KIAA0825: variants seen among roughly 807,000 people sequenced by gnomAD.
KIAA0825 encodes KIAA0825.
Under a neutral mutation model 147.6 loss-of-function variants are expected in KIAA0825, and 119 were observed. The observed-to-expected ratio is 0.81, with a 90% confidence interval of 0.69 to 0.94. The LOEUF (loss-of-function observed/expected upper bound fraction) is 0.94. Ranked by LOEUF, KIAA0825 falls within the 40% of genes least tolerant of loss-of-function variation. KIAA0825 has a pLI of 0.00. For synonymous variants in KIAA0825, 470 were observed against 518.1 expected, an observed-to-expected ratio of 0.91 and a Z score of 1.26; for missense variants, 1,381 against 1,472.7, an observed-to-expected ratio of 0.94 and a Z score of 1.02.
intron 20 of KIAA0825, among the ~76,000 whole-genome samples, chr5:94,283,285 A>G (rs1298255858): frequency 6.6e-6 from 1 of 152,098 alleles, no homozygotes; most frequent in African/African-American, 2.4e-5. Context: ...CTTTTAACAG[A>G]AGAAGAAATT....
At chr5:94,598,664 A>C (rs946784574) in intron 1 of KIAA0825, among the ~76,000 whole-genome samples, 2 of 152,150 alleles carry the variant, frequency 1.3e-5, no homozygotes, top group East Asian at 3.8e-4. Context: ...ATTTTTATAA[A>C]ACTGGTAGGT....
chr5:94,471,432 G>T (rs1761205327), intron 9 of KIAA0825, 34 bp downstream of exon 9: 4 of 1,541,252 alleles, frequency 2.6e-6, no homozygotes, highest in Non-Finnish European at 3.5e-6. Context: ...GTTTCTTTAA[G>T]CGTGGCCATC....
At chr5:94,173,464 G>A (rs1029308224) in intron 20 of KIAA0825, among the ~76,000 whole-genome samples, 14 of 150,674 alleles carry the variant, frequency 9.3e-5, no homozygotes, top group Non-Finnish European at 1.9e-4. Context: ...TGGTCACCAG[G>A]AGAATCTACA....
intron 2 of KIAA0825, among the ~76,000 whole-genome samples, chr5:94,572,187 A>G (rs1780106299): frequency 6.6e-6 from 1 of 152,114 alleles, no homozygotes; most frequent in African/African-American, 2.4e-5. Context: ...GAAATGTACA[A>G]TCAACTGACC....
chr5:94,209,909 T>C (rs1486770504), intron 20 of KIAA0825, among the ~76,000 whole-genome samples: 2 of 152,208 alleles, frequency 1.3e-5, no homozygotes, highest in African/African-American at 4.8e-5. Context: ...GGTGGCTACA[T>C]TTGGACTAAA....
chr5:94,551,954 A>G (rs2218903), intron 2 of KIAA0825, among the ~76,000 whole-genome samples: 32,420 of 151,942 alleles, frequency 0.21, 3,891 homozygotes, highest in East Asian at 0.39. Context: ...ATGAAAATGG[A>G]TTCAATTCCT....
chr5:94,160,112 G>C (rs1410947639), intron 20 of KIAA0825, among the ~76,000 whole-genome samples: 1 of 152,128 alleles, frequency 6.6e-6, no homozygotes, highest in Non-Finnish European at 1.5e-5. Flanking sequence ...AGAGGGGAAA[G>C]TAATGTCTCT....
At chr5:94,350,667 A>C (rs1485045668) in intron 20 of KIAA0825, among the ~76,000 whole-genome samples, 1 of 152,214 alleles carries the variant, frequency 6.6e-6, no homozygotes, top group Non-Finnish European at 1.5e-5. Context: ...AACAGAATTA[A>C]AAACAGTAAT....
chr5:94,391,394 G>C, intron 18 of KIAA0825, 141 bp downstream of exon 18: 1 of 758,406 alleles, frequency 1.3e-6, no homozygotes, highest in East Asian at 2.7e-5. Flanking sequence ...GGGCTGAATA[G>C]ATTCTATTAA....
chr5:94,274,713 C>T (rs1320854124), intron 20 of KIAA0825, among the ~76,000 whole-genome samples: 1 of 152,150 alleles, frequency 6.6e-6, no homozygotes, highest in Non-Finnish European at 1.5e-5. Context: ...AAAGCAGCAA[C>T]GGATGAGTAA....
At chr5:94,496,745 G>A (rs1005059681) in intron 5 of KIAA0825, among the ~76,000 whole-genome samples, 1 of 152,144 alleles carries the variant, frequency 6.6e-6, no homozygotes, top group Admixed American at 6.5e-5. Flanking sequence ...AGCCTGTCCC[G>A]TGGAACATGG....
In KIAA0825 at chr5:94,617,080, CTTTT is replaced by C. The variant is rs531818232; in HGVS notation, c.-153+1416_-153+1419del. Among the ~76,000 whole-genome samples, 65 of 152,046 alleles carry C rather than the reference CTTTT, an allele frequency of 4.3e-4. 1 individual carries two copies. The South Asian group carries it at 8.3e-3, about 19-fold the overall frequency. On this transcript the variant is annotated intron_variant, in intron 1 of 20. Transcript: ENST00000682413. ...GAAATAATACAATTTTTGTGATTTT[CTTTT>C]TTTATTAAACATTAAATAAAATAAT...
intron 20 of KIAA0825, among the ~76,000 whole-genome samples, chr5:94,261,668 G>C (rs370153136): frequency 5.1e-4 from 78 of 152,192 alleles, no homozygotes; most frequent in African/African-American, 1.7e-3. Context: ...TTTCTCAGGA[G>C]CTCTCCATCT....
chr5:94,209,367 A>G (rs778677395), intron 20 of KIAA0825, among the ~76,000 whole-genome samples: 14 of 152,214 alleles, frequency 9.2e-5, no homozygotes, highest in Non-Finnish European at 1.8e-4. Context: ...AAAATGAACC[A>G]TGCAAGTCTA....
chr5:94,391,457 A>G, intron 18 of KIAA0825, 78 bp downstream of exon 18: 5 of 1,421,842 alleles, frequency 3.5e-6, no homozygotes, highest in Non-Finnish European at 1.9e-6. Context: ...CACCTCCTTG[A>G]CTAACCCTTA....
chr5:94,433,194 AT>A (rs1378708706), intron 14 of KIAA0825, among the ~76,000 whole-genome samples: 9 of 151,944 alleles, frequency 5.9e-5, no homozygotes, highest in African/African-American at 2.2e-4. Context: ...CACCTGGCTA[AT>A]TTTTTATATT....
At chr5:94,388,295 GC>G (rs1466215203) in intron 18 of KIAA0825, among the ~76,000 whole-genome samples, 1 of 152,164 alleles carries the variant, frequency 6.6e-6, no homozygotes, top group Non-Finnish European at 1.5e-5. Context: ...CTGCTGTACA[GC>G]CCAGTTCCTA....
chr5:94,611,548 C>T (rs186965599), intron 1 of KIAA0825, among the ~76,000 whole-genome samples: 9 of 151,888 alleles, frequency 5.9e-5, no homozygotes, highest in Admixed American at 1.3e-4. Context: ...TCCTATGAAA[C>T]TATATTTTTA....
At chr5:94,405,567 A>G (rs1033498728) in intron 15 of KIAA0825, among the ~76,000 whole-genome samples, 1 of 152,328 alleles carries the variant, frequency 6.6e-6, no homozygotes, top group Non-Finnish European at 1.5e-5. Flanking sequence ...ATACATTAGC[A>G]TACTTTCCTG....
Sources: gnomAD v4.1 joint callset for allele counts (sites outside exome capture counted in the v4.1 genomes callset) on GRCh38, gnomAD v4.1.1 for gene constraint, MANE v1.5 for transcripts, NCBI Gene and HGNC (gene_info 2026-07-23, HGNC 2026-07-21) for gene names.